TEAD1: variants seen among roughly 807,000 people sequenced by gnomAD.
TEAD1 encodes TEA domain transcription factor 1.
Under a neutral mutation model 54.9 loss-of-function variants are expected in TEAD1, and 9 were observed. The ratio of observed to expected loss-of-function variants is 0.16; its 90% CI spans 0.10 to 0.29. The LOEUF is 0.29. TEAD1 is among the 10% of genes least tolerant of loss of function. The probability of loss-of-function intolerance (pLI) is 1.00; values close to 1 mark genes in which losing one functional copy is unlikely to be tolerated. For missense variants in TEAD1, 387 were observed against 535.9 expected (o/e 0.72, Z 2.74); for synonymous variants, 200 against 187.8 (o/e 1.07, Z -0.53).
intron 2 of TEAD1, among the ~76,000 whole-genome samples, chr11:12,743,837 T>G (rs1406010968): frequency 3.3e-5 from 5 of 152,330 alleles, no homozygotes; most frequent in Admixed American, 2.0e-4. Flanking sequence ...GCAGGCCCCT[T>G]GATTTGCCGG....
intron 12 of TEAD1, among the ~76,000 whole-genome samples, chr11:12,932,142 C>T (rs1949023033): frequency 6.6e-6 from 1 of 152,214 alleles, no homozygotes; most frequent in Non-Finnish European, 1.5e-5. Context: ...TAGAAGCCAG[C>T]ATTCAGGGGA....
chr11:12,730,446 A>G lies in TEAD1; in HGVS notation c.-54-33733A>G, dbSNP rs1377657104. 4.0e-5 allele frequency among the ~76,000 whole-genome samples: 4 copies of G among 99,774 alleles called. 1 individual carries two copies. The South Asian group carries it at 1.2e-3, about 30-fold the overall frequency. 65.5% of individuals were successfully genotyped at this position (99,774 alleles called of 152,430 possible). On this transcript the variant is annotated intron_variant, in intron 2 of 12. Transcript: ENST00000527636. ...TTTTTTTTTTTTTTTTTTTTTTCCT[A>G]ACGGTATTCCATTTGGCTCCAGTTT...
chr11:12,899,749 T>G (rs926529833), intron 9 of TEAD1, among the ~76,000 whole-genome samples: 2 of 152,192 alleles, frequency 1.3e-5, no homozygotes, highest in Admixed American at 6.5e-5. Context: ...CTTGATAGGG[T>G]TCTCTCTTTC....
At chr11:12,675,203 C>G (rs1163147717) in intron 1 of TEAD1, among the ~76,000 whole-genome samples, 1 of 151,104 alleles carries the variant, frequency 6.6e-6, no homozygotes, top group Non-Finnish European at 1.5e-5. Flanking sequence ...GCTGGGGAGC[C>G]AGAAGTTCGG....
chr11:12,817,072 C>T (rs1028572212), intron 3 of TEAD1, among the ~76,000 whole-genome samples: 2 of 152,196 alleles, frequency 1.3e-5, no homozygotes, highest in South Asian at 2.1e-4. Context: ...CAGAACCTCG[C>T]GCAGGGCACT....
rs539557904 is a variant in TEAD1 at position 12,881,066 on chromosome 11, G to C, written c.512+15G>C. On this transcript the variant is annotated intron_variant, in intron 7 of 12. Coordinates refer to ENST00000527636, the MANE Select transcript of TEAD1 (RefSeq NM_021961.6). Reference sequence around the variant, plus strand: ...TCCTCACAAGAGTAAGTCTGAGGAGGGGTGGGCACTGACAACTACGGGCTG... The same window carrying C: ...TCCTCACAAGAGTAAGTCTGAGGAGCGGTGGGCACTGACAACTACGGGCTG... The C allele has an allele frequency of 3.1e-4, 499 of 1,614,078 alleles. No individual in the cohort carries two copies. The highest frequency in any genetic ancestry group is 4.2e-4 in the Non-Finnish European group (491 of 1,180,006).
intron 3 of TEAD1, among the ~76,000 whole-genome samples, chr11:12,851,529 C>T (rs1480568464): frequency 1.3e-5 from 2 of 152,182 alleles, no homozygotes; most frequent in East Asian, 1.9e-4. Context: ...CGCAGTGGCT[C>T]ACACCTGTAA....
At chr11:12,817,269 C>T (rs1031854702) in intron 3 of TEAD1, among the ~76,000 whole-genome samples, 1 of 152,250 alleles carries the variant, frequency 6.6e-6, no homozygotes, top group South Asian at 2.1e-4. Context: ...TCTTCTAACA[C>T]CTAGAAATTA....
intron 10 of TEAD1, among the ~76,000 whole-genome samples, chr11:12,913,728 A>G (rs1242304641): frequency 6.6e-6 from 1 of 152,238 alleles, no homozygotes; most frequent in African/African-American, 2.4e-5. Context: ...ATATGTTCAT[A>G]TGTACTGAAA....
intron 2 of TEAD1, among the ~76,000 whole-genome samples, chr11:12,723,766 A>T (rs904139876): frequency 6.6e-6 from 1 of 152,242 alleles, no homozygotes; most frequent in Non-Finnish European, 1.5e-5. Flanking sequence ...GGATAAAGAA[A>T]ATCACAGTAT....
chr11:12,878,832 G>GA lies in TEAD1; in HGVS notation c.331-868dup, dbSNP rs998445841. The GA allele has an allele frequency of 3.7e-4, 435 of 1,165,522 alleles. 1 individual carries two copies. Among genetic ancestry groups the GA allele is most frequent in the Middle Eastern group, 4.7e-4 (2 of 4,278 alleles). The allele number at this position is 1,165,522 out of a possible 1,614,324, so 72.2% of individuals were successfully genotyped here. A position where few individuals can be genotyped will look rare whatever the true frequency, so the allele number is the denominator to read the frequency against. On this transcript the variant is annotated intron_variant, in intron 5 of 12. Coordinates refer to ENST00000527636, the MANE Select transcript of TEAD1 (RefSeq NM_021961.6). ...ATATGTTTTTTTTTTAACCAAAGAAGAAAAAAAATCCCTTTTTATGCAATC... is the reference window on the plus strand; with the variant it reads ...ATATGTTTTTTTTTTAACCAAAGAAGAAAAAAAAATCCCTTTTTATGCAATC...
At chr11:12,795,902 C>A (rs1441172573) in intron 3 of TEAD1, among the ~76,000 whole-genome samples, 5 of 152,154 alleles carry the variant, frequency 3.3e-5, no homozygotes, top group African/African-American at 1.2e-4. Context: ...TGAATCAGAT[C>A]TCTGATGAGG....
At chr11:12,722,579 C>T (rs1360784276) in intron 2 of TEAD1, among the ~76,000 whole-genome samples, 1 of 151,864 alleles carries the variant, frequency 6.6e-6, no homozygotes, top group Non-Finnish European at 1.5e-5. Context: ...ATTGGTTTCC[C>T]AAATTCCTGA....
At chr11:12,906,793 T>C (rs1948529956) in intron 10 of TEAD1, among the ~76,000 whole-genome samples, 1 of 152,212 alleles carries the variant, frequency 6.6e-6, no homozygotes. Context: ...TGTATTGTTT[T>C]TCACAGCTGG....
chr11:12,733,154 C>A (rs934854402), intron 2 of TEAD1, among the ~76,000 whole-genome samples: 4 of 152,200 alleles, frequency 2.6e-5, no homozygotes, highest in Non-Finnish European at 5.9e-5. Flanking sequence ...TACCCACTTA[C>A]CTTTTTGGGT....
chr11:12,933,592 A>G (rs1949050800), intron 12 of TEAD1, among the ~76,000 whole-genome samples: 2 of 152,126 alleles, frequency 1.3e-5, no homozygotes, highest in South Asian at 2.1e-4. Context: ...ATATTTTCCA[A>G]TCTGATATTG....
chr11:12,822,165 A>G (rs1051069653), intron 3 of TEAD1, among the ~76,000 whole-genome samples: 3 of 151,576 alleles, frequency 2.0e-5, no homozygotes, highest in Non-Finnish European at 4.4e-5. Flanking sequence ...GGGTTTCACC[A>G]TGTTGGCCAG....
intron 3 of TEAD1, among the ~76,000 whole-genome samples, chr11:12,850,129 A>G (rs1198746293): frequency 6.6e-6 from 1 of 152,192 alleles, no homozygotes; most frequent in Non-Finnish European, 1.5e-5. Context: ...TGGTGCAGTG[A>G]CATTACATTA....
chr11:12,862,557 G>A (rs555380573), intron 4 of TEAD1, among the ~76,000 whole-genome samples: 3 of 152,266 alleles, frequency 2.0e-5, no homozygotes, highest in African/African-American at 7.2e-5. Flanking sequence ...TGCTAAGGAC[G>A]GTGTATGAAC....
Sources: allele counts gnomAD v4.1 joint callset (sites outside exome capture counted in the v4.1 genomes callset), GRCh38; gene constraint gnomAD v4.1.1; transcripts MANE v1.5; gene names NCBI Gene and HGNC (gene_info 2026-07-23, HGNC 2026-07-21).